Variants in SOX6 observed in about 807,000 individuals in gnomAD.
The protein encoded by SOX6 is SRY-box transcription factor 6, also known as transcription factor SOX-6.
In SOX6, 11 loss-of-function variants were observed where a neutral mutation model predicts 97.8. The ratio of observed to expected loss-of-function variants is 0.11; its 90% CI spans 0.07 to 0.19. The LOEUF is 0.19. SOX6 is among the 10% of genes least tolerant of loss of function. The probability of loss-of-function intolerance (pLI) is 1.00; values close to 1 mark genes in which losing one functional copy is unlikely to be tolerated. For missense variants in SOX6, 810 were observed against 1,039.5 expected, an observed-to-expected ratio of 0.78 and a Z score of 3.04; for synonymous variants, 360 against 371.4, an observed-to-expected ratio of 0.97 and a Z score of 0.35.
chr11:16,645,324 T>C (rs1378559943), intron 3 of SOX6, among the ~76,000 whole-genome samples: 2 of 152,224 alleles, frequency 1.3e-5, no homozygotes, highest in Admixed American at 6.5e-5. Context: ...AACATGTCCA[T>C]GTTTACAGGT....
At chr11:16,481,502 T>A (rs965988468) in intron 4 of SOX6, among the ~76,000 whole-genome samples, 4 of 152,176 alleles carry the variant, frequency 2.6e-5, no homozygotes, top group African/African-American at 9.6e-5. Flanking sequence ...TTTCTCCTAT[T>A]CTTAAAGATC....
intron 4 of SOX6, chr11:16,484,031 C>A (rs568413456): frequency 6.5e-5 from 52 of 804,568 alleles, no homozygotes; most frequent in Middle Eastern, 3.6e-4. Context: ...TGGCCCAGGG[C>A]CTGTCGGGAG....
chr11:16,232,613 T>C (rs1026751507), intron 4 of SOX6, among the ~76,000 whole-genome samples: 2 of 151,938 alleles, frequency 1.3e-5, no homozygotes, highest in Admixed American at 6.6e-5. Context: ...GGGGAGAAAA[T>C]ATACCCTGAA....
chr11:16,166,039 T>TAGAAA, intron 6 of SOX6, among the ~76,000 whole-genome samples: 1 of 152,186 alleles, frequency 6.6e-6, no homozygotes, highest in South Asian at 2.1e-4. Flanking sequence ...ATACAAATTA[T>TAGAAA]TCACTAATTT....
At chr11:16,363,677 A>C in intron 1 of SOX6, among the ~76,000 whole-genome samples, 1 of 152,160 alleles carries the variant, frequency 6.6e-6, no homozygotes, top group East Asian at 1.9e-4. Flanking sequence ...GGTTACTAAA[A>C]GTCAGTACTC....
At chr11:16,713,004 C>T (rs1014209907) in intron 3 of SOX6, among the ~76,000 whole-genome samples, 2 of 152,064 alleles carry the variant, frequency 1.3e-5, no homozygotes, top group African/African-American at 2.4e-5. Flanking sequence ...ATCATCTAGC[C>T]GACCCTCTTC....
intron 3 of SOX6, among the ~76,000 whole-genome samples, chr11:16,684,352 T>C (rs1185790224): frequency 1.3e-5 from 2 of 151,982 alleles, no homozygotes; most frequent in Non-Finnish European, 2.9e-5. Flanking sequence ...CAATGATAGA[T>C]GGATTAAGAA....
intron 3 of SOX6, among the ~76,000 whole-genome samples, chr11:16,617,407 A>G (rs151076331): frequency 1.3e-5 from 2 of 152,002 alleles, no homozygotes; most frequent in Admixed American, 6.5e-5. Flanking sequence ...ATTGCACACA[A>G]TATGTTATCA....
Position 16,472,265 on chromosome 11 carries a change from T to C in SOX6, c.-5+4050A>G, listed in dbSNP as rs533366356. ...AACTTTACTCATCCTGAAAACTTAC[T>C]AAAGCGAATGACTAAATAATATGAA... On this transcript the variant is annotated intron_variant, in intron 1 of 15. Transcript: ENST00000396356. Among the ~76,000 whole-genome samples the C allele has an allele frequency of 6.6e-5, 10 of 152,284 alleles. No homozygotes were observed. In the East Asian group the frequency reaches 1.9e-3, roughly 29 times the overall value.
chr11:16,169,232 T>A (rs1259374022), intron 6 of SOX6, among the ~76,000 whole-genome samples: 1 of 152,132 alleles, frequency 6.6e-6, no homozygotes. Context: ...TTCAAATAAC[T>A]GGTACATCCT....
At chr11:16,187,084 T>A in intron 4 of SOX6, 129 bp from the exon 5 acceptor site, 1 of 984,746 alleles carries the variant, frequency 1.0e-6, no homozygotes, top group African/African-American at 1.6e-5. Context: ...CTGGAGGCCA[T>A]TGAGGGTACA....
chr11:16,096,846 C>G (rs1188897048), intron 8 of SOX6, among the ~76,000 whole-genome samples: 1 of 151,804 alleles, frequency 6.6e-6, no homozygotes, highest in Non-Finnish European at 1.5e-5. Flanking sequence ...TATCCAAATA[C>G]TGAATGTTTG....
chr11:16,022,565 T>C (rs1430969744), intron 12 of SOX6, among the ~76,000 whole-genome samples: 1 of 151,680 alleles, frequency 6.6e-6, no homozygotes, highest in Non-Finnish European at 1.5e-5. Flanking sequence ...TGCACACCAC[T>C]ACACCCGGCT....
At chr11:16,367,434 G>C (rs186294041) in intron 1 of SOX6, among the ~76,000 whole-genome samples, 83 of 152,244 alleles carry the variant, frequency 5.5e-4, no homozygotes, top group African/African-American at 1.5e-3. Flanking sequence ...GATGCCACTG[G>C]TGGCCCAAGT....
At chr11:16,549,238 C>T (rs1402613200) in intron 4 of SOX6, among the ~76,000 whole-genome samples, 1 of 152,068 alleles carries the variant, frequency 6.6e-6, no homozygotes, top group Non-Finnish European at 1.5e-5. Flanking sequence ...GGCATGATCT[C>T]GGCTCACTGC....
intron 3 of SOX6, among the ~76,000 whole-genome samples, chr11:16,707,217 T>G (rs1219585989): frequency 6.6e-6 from 1 of 152,200 alleles, no homozygotes; most frequent in African/African-American, 2.4e-5. Flanking sequence ...AGTCAGTTTT[T>G]CCATTTTCTC....
chr11:16,295,243 A>G (rs1855040403), intron 3 of SOX6, among the ~76,000 whole-genome samples: 1 of 152,110 alleles, frequency 6.6e-6, no homozygotes, highest in Admixed American at 6.6e-5. Context: ...AATTAACTAT[A>G]CAAGGTATTT....
chr11:16,515,761 C>T lies in SOX6; in HGVS notation n.610-39373G>A, dbSNP rs1435462387. Among the ~76,000 whole-genome samples, 10 of 129,808 alleles carry T rather than the reference C, an allele frequency of 7.7e-5. 1 individual carries two copies. In the South Asian group the frequency reaches 2.9e-3, roughly 38 times the overall value. 85.2% of individuals were successfully genotyped at this position (129,808 alleles called of 152,430 possible). On this transcript the variant is annotated intron_variant and non_coding_transcript_variant, in intron 4 of 5. Transcript: ENST00000524520. The stretch of plus-strand genomic sequence containing the variant: ...GAAGGGATCCAGTTTCACCTTTCTA[C>T]ATATGGCTAGCCAGTTTTCCCAGCA...
At chr11:16,675,608 A>G (rs553201837) in intron 3 of SOX6, among the ~76,000 whole-genome samples, 57 of 152,330 alleles carry the variant, frequency 3.7e-4, no homozygotes, top group Non-Finnish European at 1.5e-5. Context: ...TTCAGCTTGA[A>G]GAAGTCCCTT....
Sources: gnomAD v4.1 joint callset for allele counts (sites outside exome capture counted in the v4.1 genomes callset) on GRCh38, gnomAD v4.1.1 for gene constraint, MANE v1.5 for transcripts, NCBI Gene and HGNC (gene_info 2026-07-23, HGNC 2026-07-21) for gene names.